GLB1L2: variants seen among roughly 807,000 people sequenced by gnomAD.
GLB1L2 encodes galactosidase beta 1 like 2, also known as beta-galactosidase-1-like protein 2.
In GLB1L2, 68 loss-of-function variants were observed where a neutral mutation model predicts 84.1. The observed-to-expected ratio is 0.81, with a 90% CI of 0.67 to 0.99. The LOEUF (loss-of-function observed/expected upper bound fraction) is 0.99, where lower values mean the gene tolerates loss of function less well. GLB1L2 is among the 50% of genes least tolerant of loss of function. The pLI, the probability that GLB1L2 is intolerant of heterozygous loss-of-function variation, is 0.00. For missense variants in GLB1L2, 762 were observed against 805.6 expected (o/e 0.95, Z 0.66); for synonymous variants, 290 against 318.0 (o/e 0.91, Z 0.94).
At chr11:134,360,492 CTGTGTT>C (rs1290243066) in intron 7 of GLB1L2, 3 of 152,176 alleles carry the variant, frequency 2.0e-5, no homozygotes, top group Non-Finnish European at 4.4e-5. Context: ...AGGGCTGTGG[CTGTGTT>C]GGGAGACTCC....
At chr11:134,340,723 A>G (rs140397571) in intron 1 of GLB1L2, among the ~76,000 whole-genome samples, 32 of 152,364 alleles carry the variant, frequency 2.1e-4, no homozygotes, top group African/African-American at 7.5e-4. Context: ...CAGGCCACGC[A>G]GTCTATCGCA....
chr11:134,360,711 C>T (rs538394755), intron 7 of GLB1L2: 6 of 151,494 alleles, frequency 4.0e-5, no homozygotes, highest in Non-Finnish European at 7.4e-5. Context: ...GTGAAATAAT[C>T]GAAAATGTTG....
chr11:134,375,135 C>G lies in GLB1L2; in HGVS notation c.*77C>G. 1 of 1,108,692 alleles carries G rather than the reference C, an allele frequency of 9.0e-7. No homozygotes were observed. Among genetic ancestry groups the G allele is most frequent in the South Asian group, 1.4e-5 (1 of 72,532 alleles). 68.7% of individuals were successfully genotyped at this position (1,108,692 alleles called of 1,614,324 possible). ...GACCTGAAGCCTGGTGGCTGCTGCC[C>G]CACCCCTCACTGCAAAAGCATCTCC... On this transcript the variant is annotated 3_prime_UTR_variant, in exon 19 of 19. Coordinates refer to ENST00000535456, the MANE Select transcript of GLB1L2 (RefSeq NM_001370461.1).
At chr11:134,371,898 T>C in intron 15 of GLB1L2, 68 bp downstream of exon 15, 9 of 1,483,930 alleles carry the variant, frequency 6.1e-6, no homozygotes, top group Non-Finnish European at 8.5e-6. Flanking sequence ...TGCTTCTCTA[T>C]GCTAGCAGGC....
At chr11:134,347,893 T>C (rs1943573777) in intron 5 of GLB1L2, among the ~76,000 whole-genome samples, 1 of 152,204 alleles carries the variant, frequency 6.6e-6, no homozygotes, top group Non-Finnish European at 1.5e-5. Flanking sequence ...TTATAAATTA[T>C]AAAATTCCTT....
chr11:134,338,402 C>T lies in GLB1L2; in HGVS notation c.87-4352C>T, dbSNP rs1943417210. Reference sequence around the variant, plus strand: ...ATCTGGCTCACCTCCCACCCAGCCGCCCTGCAAGATCCCCTCTGAAACTTG... The same window carrying T: ...ATCTGGCTCACCTCCCACCCAGCCGTCCTGCAAGATCCCCTCTGAAACTTG... On this transcript the variant is annotated intron_variant, in intron 1 of 18. Coordinates refer to ENST00000535456, the MANE Select transcript of GLB1L2 (RefSeq NM_001370461.1). The surrounding 1 kb of genome is among the most constrained non-coding windows in gnomAD (Gnocchi z 6.2). 6.6e-6 allele frequency among the ~76,000 whole-genome samples: 1 copy of T among 152,204 alleles called. No homozygotes were observed. Among genetic ancestry groups the T allele is most frequent in the African/African-American group, 2.4e-5 (1 of 41,456 alleles).
At position 134,338,151 on chromosome 11, in the gene GLB1L2, C is replaced by T. The variant is rs552268411; in HGVS notation, c.87-4603C>T. On this transcript the variant is annotated intron_variant, in intron 1 of 18. Coordinates refer to ENST00000535456, the MANE Select transcript of GLB1L2 (RefSeq NM_001370461.1). This position sits in a 1 kb window ranked among gnomAD's most constrained non-coding sequence, Gnocchi z 6.2. ...ACGGCACTCCGGATGTTCTGCTGTGCCCGGTTGCATGGATCCTGGCCTATC... is the reference window on the plus strand; with the variant it reads ...ACGGCACTCCGGATGTTCTGCTGTGTCCGGTTGCATGGATCCTGGCCTATC... 8.5e-5 allele frequency among the ~76,000 whole-genome samples: 13 copies of T among 152,234 alleles called. No homozygotes were observed. Among genetic ancestry groups the T allele is most frequent in the Middle Eastern group, 6.8e-3 (2 of 294 alleles).
At chr11:134,359,971 G>A (rs1180006063) in intron 7 of GLB1L2, 1 of 152,262 alleles carries the variant, frequency 6.6e-6, no homozygotes, top group Non-Finnish European at 1.5e-5. Context: ...TTCCTTCGTG[G>A]GGCTCACTCA....
Position 134,374,978 on chromosome 11 carries a change from GT to G in GLB1L2, c.1836del (p.Phe612LeufsTer45), listed in dbSNP as rs1944006704. 1.2e-6 allele frequency: 2 copies of G among 1,613,200 alleles called. No individual in the cohort carries two copies. The highest frequency in any genetic ancestry group is 2.7e-5 in the African/African-American group (2 of 74,916). On this transcript the variant is annotated frameshift_variant, in exon 19 of 19. Transcript: ENST00000535456. LOFTEE classifies it high-confidence loss of function. ...WLSSGINQVI[V>X]FEETMAGPAL... ...CCGGGCCCTCTCTCCACAGGTCATC[GT>G]TTTTGAGGAGACGATGGCGGGCCCT...
rs543974026 is a variant in GLB1L2 at position 134,341,424 on chromosome 11, T to C, written c.87-1330T>C. ...CTGGGGGCCAGGATTCACATCCGGA[T>C]CTTCCTATTCCAGCTAGCGTTTTTG... On this transcript the variant is annotated intron_variant, in intron 1 of 18. Coordinates refer to ENST00000535456, the MANE Select transcript of GLB1L2 (RefSeq NM_001370461.1). 2.0e-5 allele frequency among the ~76,000 whole-genome samples: 3 copies of C among 152,266 alleles called. No homozygotes were observed. The South Asian group carries it at 6.2e-4, about 32-fold the overall frequency.
At position 134,356,397 on chromosome 11, in the gene GLB1L2, A is replaced by T; in HGVS notation, c.651+4A>T. The T allele has an allele frequency of 6.2e-7, 1 of 1,603,792 alleles. No homozygotes were observed. Among genetic ancestry groups the T allele is most frequent in the Non-Finnish European group, 8.5e-7 (1 of 1,170,738 alleles). ...ATACATGCCCTACGTCAAGAAGGTA[A>T]GAATCCTCTTAGTGCGTTTCTTTAG... On this transcript the variant is annotated splice_donor_region_variant and intron_variant, in intron 6 of 18. Transcript: ENST00000535456.
chr11:134,341,382 G>GCAACAGTT (rs1943459357), intron 1 of GLB1L2, among the ~76,000 whole-genome samples: 1 of 151,438 alleles, frequency 6.6e-6, no homozygotes, highest in Non-Finnish European at 1.5e-5. Flanking sequence ...CTAACCCAAG[G>GCAACAGTT]CGACAGTTCT....
rs540558226 is a variant in GLB1L2 at position 134,357,949 on chromosome 11, G to C, written c.652-1111G>C. Reference sequence around the variant, plus strand: ...GTGGTAGGGACCTAAGTAAATGCTTGCTAAATATCAGTGAATGATAGTGTG... The same window carrying C: ...GTGGTAGGGACCTAAGTAAATGCTTCCTAAATATCAGTGAATGATAGTGTG... On this transcript the variant is annotated intron_variant, in intron 6 of 18. Transcript: ENST00000535456. 1.5e-4 allele frequency among the ~76,000 whole-genome samples: 23 copies of C among 152,330 alleles called. 1 individual carries two copies. Among genetic ancestry groups the C allele is most frequent in the African/African-American group, 3.8e-4 (16 of 41,580 alleles).
At chr11:134,358,083 G>A (rs930560327) in intron 6 of GLB1L2, among the ~76,000 whole-genome samples, 8 of 152,214 alleles carry the variant, frequency 5.3e-5, no homozygotes, top group East Asian at 3.9e-4. Context: ...CCTTCCCCGC[G>A]TGTGGGACTG....
At chr11:134,374,790 A>C (rs1450816613) in intron 18 of GLB1L2, 72 bp downstream of exon 18, 12 of 1,318,246 alleles carry the variant, frequency 9.1e-6, no homozygotes, top group Non-Finnish European at 9.8e-6. Flanking sequence ...GCCTTCGGTC[A>C]GGGTGGAGGG....
intron 6 of GLB1L2, among the ~76,000 whole-genome samples, chr11:134,358,241 G>A (rs1657903300): frequency 1.3e-5 from 2 of 152,246 alleles, no homozygotes; most frequent in South Asian, 2.1e-4. Context: ...AAAGATCCTA[G>A]CACCTCAGCA....
intron 10 of GLB1L2, 150 bp from the exon 11 acceptor site, chr11:134,369,655 C>T (rs1943919556): frequency 7.9e-6 from 5 of 629,080 alleles, no homozygotes; most frequent in Non-Finnish European, 1.4e-5. Flanking sequence ...TTCATGTTTA[C>T]AGTATTTTGA....
At chr11:134,359,217 G>C in intron 7 of GLB1L2, 76 bp downstream of exon 7, 1 of 987,686 alleles carries the variant, frequency 1.0e-6, no homozygotes, top group Non-Finnish European at 1.5e-6. Flanking sequence ...CTGTGGGACT[G>C]CGACCCAAGT....
intron 17 of GLB1L2, 122 bp downstream of exon 17, chr11:134,374,378 G>A: frequency 1.2e-6 from 1 of 835,268 alleles, no homozygotes; most frequent in East Asian, 2.4e-5. Flanking sequence ...GGGTCTGAGA[G>A]GGCCGCTGGG....
Sources: gnomAD v4.1 joint callset for allele counts (sites outside exome capture counted in the v4.1 genomes callset) on GRCh38, gnomAD v4.1.1 for gene constraint, Gnocchi (gnomAD v3.1) non-coding constraint, MANE v1.5 for transcripts, NCBI Gene and HGNC (gene_info 2026-07-23, HGNC 2026-07-21) for gene names.